Variants in RHOF observed in about 807,000 individuals in gnomAD.
The protein encoded by RHOF is rho-related GTP-binding protein RhoF.
Under a neutral mutation model 22.2 loss-of-function variants are expected in RHOF, and 21 were observed. The ratio of observed to expected loss-of-function variants is 0.95; its 90% confidence interval spans 0.67 to 1.36. RHOF has a LOEUF of 1.36. Ranked by LOEUF, RHOF falls within the 40% of genes most tolerant of loss-of-function variation. The pLI, the probability that RHOF is intolerant of heterozygous loss-of-function variation, is 0.00. For missense variants in RHOF, 285 were observed against 293.7 expected (o/e 0.97, Z 0.22); for synonymous variants, 135 against 131.2 (o/e 1.03, Z -0.20).
In RHOF at chr12:121,779,414, C is replaced by A; in HGVS notation, c.*84G>T. 2.1e-6 allele frequency: 3 copies of A among 1,447,968 alleles called. No individual in the cohort carries two copies. The highest frequency in any genetic ancestry group is 1.2e-5 in the South Asian group (1 of 82,976). 89.7% of individuals were successfully genotyped at this position (1,447,968 alleles called of 1,614,324 possible). On this transcript the variant is annotated 3_prime_UTR_variant, in exon 5 of 5. Transcript: ENST00000267205. ...CCCCAGACACCATGAGCTGGAGGGT[C>A]GGGATGGGGCAGCCTCCCTGGTGCA...
intron 2 of RHOF, chr12:121,782,962 AT>A (rs1874511524): frequency 6.6e-6 from 1 of 150,554 alleles, no homozygotes; most frequent in African/African-American, 2.4e-5. Flanking sequence ...CTCAAAAAAA[AT>A]AAAAATAAAA....
intron 2 of RHOF, 36 bp downstream of exon 2, chr12:121,793,116 G>A: frequency 6.5e-7 from 1 of 1,528,738 alleles, no homozygotes; most frequent in Non-Finnish European, 8.9e-7. Flanking sequence ...TCGGGCGGGC[G>A]GACCCTCGGG....
intron 2 of RHOF, among the ~76,000 whole-genome samples, chr12:121,789,620 T>C (rs982144687): frequency 2.0e-5 from 3 of 152,146 alleles, no homozygotes; most frequent in Admixed American, 6.5e-5. Flanking sequence ...TTACTCACTC[T>C]GCTGGGGGCC....
At chr12:121,788,217 G>C (rs1247246379) in intron 2 of RHOF, among the ~76,000 whole-genome samples, 1 of 152,194 alleles carries the variant, frequency 6.6e-6, no homozygotes, top group Non-Finnish European at 1.5e-5. Flanking sequence ...CTAAGGGGAA[G>C]CTTTGTAAAT....
chr12:121,780,785 G>T, intron 4 of RHOF, 87 bp downstream of exon 4: 1 of 1,452,590 alleles, frequency 6.9e-7, no homozygotes, highest in Non-Finnish European at 9.3e-7. Flanking sequence ...TCCCTGAAAG[G>T]CCACTAAGGC....
In RHOF at chr12:121,780,955, C is replaced by T. The variant is rs148962846; in HGVS notation, c.388G>A (p.Gly130Ser). Residue 130 changes from glycine (G) to serine (S), a missense_variant, in exon 4 of 5, where the codon GGC becomes AGC. Coordinates refer to ENST00000267205, the MANE Select transcript of RHOF (RefSeq NM_019034.3). Reference protein sequence around the residue: ...FCRGIPMVLIGCKTDLRKDKE... With the variant: ...FCRGIPMVLISCKTDLRKDKE... ...TCCTTCCTCAGGTCTGTCTTGCAGC[C>T]GATGAGCACCATGGGGATCCCGCGG... 2.7e-5 allele frequency: 44 copies of T among 1,613,970 alleles called. No homozygotes were observed. The highest frequency in any genetic ancestry group is 1.2e-4 in the Admixed American group (7 of 59,994).
At chr12:121,783,303 A>G (rs1278572210) in intron 2 of RHOF, among the ~76,000 whole-genome samples, 1 of 146,138 alleles carries the variant, frequency 6.8e-6, no homozygotes, top group East Asian at 2.0e-4. Context: ...AGCATCTTCA[A>G]TGGCTCCCTA....
chr12:121,780,701 T>C (rs1874418473), intron 4 of RHOF, 171 bp downstream of exon 4: 4 of 722,398 alleles, frequency 5.5e-6, no homozygotes, highest in South Asian at 3.8e-5. Flanking sequence ...GGAGTAGTCG[T>C]GTAAAGTGCT....
chr12:121,782,708 A>T (rs1874503489), intron 2 of RHOF: 1 of 152,330 alleles, frequency 6.6e-6, no homozygotes, highest in African/African-American at 2.4e-5. Context: ...GACCTCCAAA[A>T]GTCTTCAGCC....
In RHOF at chr12:121,780,947, C is replaced by G; in HGVS notation, c.396G>C (p.Lys132Asn). ...RGIPMVLIGC[K>N]TDLRKDKEQL... is the part of the protein sequence containing the mutation. The stretch of plus-strand genomic sequence containing the variant: ...GCTCCTTGTCCTTCCTCAGGTCTGT[C>G]TTGCAGCCGATGAGCACCATGGGGA... Residue 132 changes from lysine (K) to asparagine (N), a missense_variant, in exon 4 of 5, where the codon AAG becomes AAC. By Grantham distance (94) the Lys-to-Asn change is moderately conservative. Transcript: ENST00000267205. The G allele has an allele frequency of 1.2e-6, 2 of 1,614,056 alleles. No homozygotes were observed. Among genetic ancestry groups the G allele is most frequent in the Non-Finnish European group, 1.7e-6 (2 of 1,179,980 alleles).
intron 4 of RHOF, chr12:121,780,601 G>A (rs1874414450): frequency 7.4e-6 from 4 of 542,374 alleles, no homozygotes. Flanking sequence ...GTGTGGCCCT[G>A]GGCAAGCTGC....
In RHOF at chr12:121,778,426, G is replaced by T. The variant is rs1160202710; in HGVS notation, c.*1072C>A. On this transcript the variant is annotated 3_prime_UTR_variant, in exon 5 of 5. Coordinates refer to ENST00000267205, the MANE Select transcript of RHOF (RefSeq NM_019034.3). ...AGATCATGCCACTGCACTCTAGCCT[G>T]AGTGACAGAATGAGACTCTGTCCCA... is the stretch of plus-strand genomic sequence containing the variant. The T allele has an allele frequency of 6.8e-6, 1 of 147,100 alleles. No individual in the cohort carries two copies. 9.1% of individuals were successfully genotyped at this position (147,100 alleles called of 1,614,324 possible). A position where few individuals can be genotyped will look rare whatever the true frequency, so the allele number is the denominator to read the frequency against.
At chr12:121,793,072 C>T in intron 2 of RHOF, 80 bp downstream of exon 2, 1 of 1,222,642 alleles carries the variant, frequency 8.2e-7, no homozygotes, top group Non-Finnish European at 1.2e-6. Context: ...AGGGCGGGGA[C>T]ACCCAGTGGG....
chr12:121,779,814 G>T, intron 4 of RHOF, 152 bp from the exon 5 acceptor site: 1 of 780,232 alleles, frequency 1.3e-6, no homozygotes, highest in Non-Finnish European at 2.0e-6. Flanking sequence ...GCCCCTCACA[G>T]TGTGTGGGTG....
At chr12:121,781,688 TG>T (rs1874464496) in intron 2 of RHOF, 1 of 159,520 alleles carries the variant, frequency 6.3e-6, no homozygotes, top group Admixed American at 5.9e-5. Flanking sequence ...GATTCAGACC[TG>T]TGGGGCTGAG....
intron 2 of RHOF, among the ~76,000 whole-genome samples, chr12:121,791,103 G>A (rs1190572207): frequency 1.3e-5 from 2 of 151,634 alleles, no homozygotes; most frequent in South Asian, 2.1e-4. Context: ...TGAACTCCTG[G>A]CTTCAAGCAA....
In RHOF at chr12:121,779,607, T is replaced by C. The variant is rs1592954463; in HGVS notation, c.527A>G (p.Lys176Arg). 1 of 1,614,194 alleles carries C rather than the reference T, an allele frequency of 6.2e-7. No homozygotes were observed. Among genetic ancestry groups the C allele is most frequent in the Non-Finnish European group, 8.5e-7 (1 of 1,180,024 alleles). The stretch of plus-strand genomic sequence containing the variant: ...GACGTCCTCCACATTCTCCCGAAAC[T>C]TGGCGGAACATTCCAGGTAGAGAGC... ...RAALYLECSA[K>R]FRENVEDVFR... The change falls in exon 5 of 5, where the codon AAG becomes AGG. Residue 176 changes from lysine (K) to arginine (R), a missense_variant. By Grantham distance (26) the Lys-to-Arg change is conservative. Coordinates refer to ENST00000267205, the MANE Select transcript of RHOF (RefSeq NM_019034.3).
At chr12:121,790,447 T>A (rs1341732726) in intron 2 of RHOF, among the ~76,000 whole-genome samples, 1 of 152,260 alleles carries the variant, frequency 6.6e-6, no homozygotes, top group Non-Finnish European at 1.5e-5. Flanking sequence ...CCTGTTCTCC[T>A]GAGAGCCGTC....
At position 121,779,448 on chromosome 12, in the gene RHOF, C is replaced by G. The variant is rs776557913; in HGVS notation, c.*50G>C. On this transcript the variant is annotated 3_prime_UTR_variant, in exon 5 of 5. Transcript: ENST00000267205. The stretch of plus-strand genomic sequence containing the variant: ...GCAGCCTCCCTGGTGCAATCGGCAC[C>G]TGGGCCCCCGGGCCCTGTCAGTGCT... 6.3e-7 allele frequency: 1 copy of G among 1,593,618 alleles called. No individual in the cohort carries two copies. The highest frequency in any genetic ancestry group is 1.1e-5 in the South Asian group (1 of 90,538).
Sources: allele counts gnomAD v4.1 joint callset (sites outside exome capture counted in the v4.1 genomes callset), GRCh38; gene constraint gnomAD v4.1.1; transcripts MANE v1.5; gene names NCBI Gene and HGNC (gene_info 2026-07-23, HGNC 2026-07-21).